Variants in ZDHHC21 observed in about 807,000 individuals in gnomAD.
ZDHHC21 encodes palmitoyltransferase ZDHHC21.
In ZDHHC21, 15 loss-of-function variants were observed where a neutral mutation model predicts 34.6. The ratio of observed to expected loss-of-function variants is 0.43; its 90% CI spans 0.29 to 0.67. The LOEUF (loss-of-function observed/expected upper bound fraction) is 0.67. Among genes scored for constraint, ZDHHC21 ranks in the 30% least tolerant of loss-of-function variants. ZDHHC21 has a pLI of 0.14. For synonymous variants in ZDHHC21, 142 were observed against 101.8 expected (o/e 1.40, Z -2.38); for missense variants, 344 against 327.7 (o/e 1.05, Z -0.38).
At chr9:14,605,527 AGT>A in the ZDHHC21 span, among the ~76,000 whole-genome samples, 6 of 152,018 alleles carry the variant, frequency 3.9e-5, no homozygotes, top group Non-Finnish European at 7.4e-5. Context: ...TTATTTAATC[AGT>A]CTTTATATGG....
At chr9:14,641,086 A>T (rs1829295068) in intron 7 of ZDHHC21, among the ~76,000 whole-genome samples, 1 of 152,178 alleles carries the variant, frequency 6.6e-6, no homozygotes, top group African/African-American at 2.4e-5. Flanking sequence ...CATGTTAAGG[A>T]TTAAAGTATC....
At chr9:14,656,747 A>C (rs1832295300) in intron 7 of ZDHHC21, among the ~76,000 whole-genome samples, 1 of 151,984 alleles carries the variant, frequency 6.6e-6, no homozygotes, top group Non-Finnish European at 1.5e-5. Flanking sequence ...GCTTTCTAAC[A>C]ACCAACATAA....
intron 5 of ZDHHC21, among the ~76,000 whole-genome samples, chr9:14,662,600 G>A (rs145597974): frequency 2.0e-5 from 3 of 152,272 alleles, no homozygotes; most frequent in Non-Finnish European, 2.9e-5. Context: ...TTTGGATTCT[G>A]GGTATACTGT....
intron 8 of ZDHHC21, among the ~76,000 whole-genome samples, chr9:14,627,947 G>A (rs1351778905): frequency 1.3e-5 from 2 of 151,942 alleles, no homozygotes; most frequent in African/African-American, 2.4e-5. Flanking sequence ...CAAAAAACAG[G>A]CTAAACAGTC....
chr9:14,690,495 T>G (rs1587517204), intron 1 of ZDHHC21, 110 bp from the exon 2 acceptor site: 2 of 384,834 alleles, frequency 5.2e-6, no homozygotes, highest in African/African-American at 4.3e-5. Flanking sequence ...AAATATCAAT[T>G]TTACCCAACC....
Position 14,644,506 on chromosome 9 carries a change from G to GT in ZDHHC21, c.505-4495dup, listed in dbSNP as rs965304313. 5.5e-4 allele frequency among the ~76,000 whole-genome samples: 82 copies of GT among 148,526 alleles called. 1 individual carries two copies. The highest frequency in any genetic ancestry group is 8.7e-4 in the Admixed American group (13 of 14,872). On this transcript the variant is annotated intron_variant, in intron 7 of 9. Transcript: ENST00000380916. The stretch of plus-strand genomic sequence containing the variant: ...ATGCTATAGTTGGTTGATTTTGTGT[G>GT]TTTTTTTTTTAAGGGGGTCGGGAAG...
intron 8 of ZDHHC21, among the ~76,000 whole-genome samples, chr9:14,635,868 T>C (rs1828211512): frequency 6.6e-6 from 1 of 152,084 alleles, no homozygotes; most frequent in Non-Finnish European, 1.5e-5. Context: ...CTCAATTTTT[T>C]TATAAAAAAT....
At chr9:14,610,486 CTTTTCTGGTAA>C (rs1348933310), downstream of ZDHHC21, among the ~76,000 whole-genome samples, 2 of 151,890 alleles carry the variant, frequency 1.3e-5, no homozygotes, top group Admixed American at 1.3e-4. Context: ...TTCAAAATTA[CTTTTCTGGTAA>C]TAAAATTTTT....
intron 8 of ZDHHC21, among the ~76,000 whole-genome samples, chr9:14,637,143 G>C (rs1828452605): frequency 6.6e-6 from 1 of 151,804 alleles, no homozygotes; most frequent in Non-Finnish European, 1.5e-5. Context: ...ATAAACAAGT[G>C]AATAAACCAC....
At position 14,672,898 on chromosome 9, in the gene ZDHHC21, A is replaced by G. The variant is rs150710345; in HGVS notation, c.185T>C (p.Val62Ala). The change falls in exon 5 of 10, where the codon GTT becomes GCT. Residue 62 changes from valine (V) to alanine (A), a missense_variant. Val to Ala is a moderately conservative substitution (Grantham distance 64). Transcript: ENST00000380916. The part of the protein sequence containing the change: ...IFYGISIFCL[V>A]ALVRASITDP... ...AGTTATGGAGGCCCTCACTAAGGCA[A>G]CCAGACAGAATATGGAAATGCCATA... 3 of 1,605,782 alleles carry G rather than the reference A, an allele frequency of 1.9e-6. No homozygotes were observed. The African/African-American group carries it at 4.0e-5, about 21-fold the overall frequency.
At chr9:14,678,391 G>A (rs1414814106) in intron 3 of ZDHHC21, among the ~76,000 whole-genome samples, 1 of 151,594 alleles carries the variant, frequency 6.6e-6, no homozygotes, top group East Asian at 1.9e-4. Flanking sequence ...ACCGACAAGA[G>A]GCATACAACA....
At chr9:14,671,278 A>G (rs976927017) in intron 5 of ZDHHC21, among the ~76,000 whole-genome samples, 1 of 152,072 alleles carries the variant, frequency 6.6e-6, no homozygotes, top group African/African-American at 2.4e-5. Flanking sequence ...CTTCTACATG[A>G]GTCTTTTAAA....
intron 2 of ZDHHC21, among the ~76,000 whole-genome samples, chr9:14,687,092 T>C (rs893269660): frequency 6.6e-6 from 1 of 150,896 alleles, no homozygotes; most frequent in Non-Finnish European, 1.5e-5. Context: ...TTTTGAAAGA[T>C]GGCCAAAAAC....
chr9:14,637,343 T>C (rs1235930514), intron 8 of ZDHHC21, among the ~76,000 whole-genome samples: 2 of 151,890 alleles, frequency 1.3e-5, no homozygotes, highest in African/African-American at 4.8e-5. Flanking sequence ...CACAACTGAA[T>C]TGGGTAGAAA....
intron 7 of ZDHHC21, among the ~76,000 whole-genome samples, chr9:14,648,506 G>C (rs536455565): frequency 6.6e-6 from 1 of 152,146 alleles, no homozygotes; most frequent in Admixed American, 6.5e-5. Flanking sequence ...TCTCCCTACT[G>C]TTCCTTGAGA....
At chr9:14,642,552 A>G (rs181866850) in intron 7 of ZDHHC21, among the ~76,000 whole-genome samples, 1 of 152,212 alleles carries the variant, frequency 6.6e-6, no homozygotes, top group Non-Finnish European at 1.5e-5. Context: ...TGACTAAAAT[A>G]AAATGAGGCC....
chr9:14,611,175 CA>C lies in ZDHHC21; in HGVS notation c.*7790del, dbSNP rs1261023646. The C allele has an allele frequency of 1.2e-4, 18 of 151,664 alleles. No individual in the cohort carries two copies. Among genetic ancestry groups the C allele is most frequent in the African/African-American group, 4.3e-4 (18 of 41,414 alleles). The allele number at this position is 151,664 out of a possible 1,614,324, so 9.4% of individuals were successfully genotyped here. ...CACAATTTAAATTAAAAACAATCTG[CA>C]AAGAAAATAGAAATATTACGTGAAA... On this transcript the variant is annotated 3_prime_UTR_variant, in exon 10 of 10. Transcript: ENST00000380916.
intron 9 of ZDHHC21, 73 bp from the exon 10 acceptor site, chr9:14,619,171 T>C (rs1342420694): frequency 6.8e-7 from 1 of 1,461,514 alleles, no homozygotes; most frequent in Non-Finnish European, 9.1e-7. Context: ...ACAATACAGA[T>C]TGGCTGGGGA....
intron 2 of ZDHHC21, among the ~76,000 whole-genome samples, 164 bp downstream of exon 2, chr9:14,690,173 A>G (rs1587514173): frequency 6.6e-6 from 1 of 152,182 alleles, no homozygotes; most frequent in African/African-American, 2.4e-5. Context: ...TGTTCTTCCA[A>G]GAAGGAAGGG....
Sources: allele counts gnomAD v4.1 joint callset (sites outside exome capture counted in the v4.1 genomes callset), GRCh38; gene constraint gnomAD v4.1.1; transcripts MANE v1.5; gene names NCBI Gene and HGNC (gene_info 2026-07-23, HGNC 2026-07-21).